The following HOXA3 variants were observed in gnomAD, a reference collection of about 807,000 sequenced individuals.
HOXA3 encodes homeobox protein Hox-A3.
In HOXA3, 8 loss-of-function variants were observed where a neutral mutation model predicts 30.3. The observed-to-expected ratio is 0.26, with a 90% CI of 0.15 to 0.48. The LOEUF (loss-of-function observed/expected upper bound fraction) is 0.48. Ranked by LOEUF, HOXA3 falls within the 20% of genes least tolerant of loss-of-function variation. The pLI is 0.99. For missense variants in HOXA3, 653 were observed against 614.4 expected (o/e 1.06, Z -0.66); for synonymous variants, 323 against 273.1 (o/e 1.18, Z -1.80).
rs199581088 is a variant in HOXA3, at chr7:27,129,478, T to C, written c.-389-2408A>G. ...GCGGCGCCGCCGGGTCAGGTATCGA[T>C]TGAAGTGGAACTCCTTCTCCAGCTC... On this transcript the variant is annotated intron_variant, in intron 2 of 5. Coordinates refer to ENST00000612286, the MANE Select transcript of HOXA3 (RefSeq NM_153631.3). 282 of 1,613,882 alleles carry C rather than the reference T, an allele frequency of 1.7e-4. No homozygotes were observed. The highest frequency in any genetic ancestry group is 2.3e-4 in the Non-Finnish European group (266 of 1,179,980).
chr7:27,145,893 C>T, intron 1 of HOXA3: 1 of 1,613,332 alleles, frequency 6.2e-7, no homozygotes, highest in Non-Finnish European at 8.5e-7. Flanking sequence ...GCGGCCTCGG[C>T]GCCCATGGCT....
chr7:27,130,505 G>A (rs1231466552), intron 2 of HOXA3: 1 of 1,296,466 alleles, frequency 7.7e-7, no homozygotes, highest in Non-Finnish European at 9.8e-7. Context: ...CGGGCGGTCC[G>A]CGGCGCGTAG....
intron 1 of HOXA3, chr7:27,140,515 A>G (rs1257532907): frequency 6.6e-6 from 1 of 152,226 alleles, no homozygotes; most frequent in Non-Finnish European, 1.5e-5. Flanking sequence ...TGCTCTGAGG[A>G]GTTTCCCAAT....
chr7:27,151,783 C>A (rs1369543150), intron 1 of HOXA3: 4 of 427,464 alleles, frequency 9.4e-6, no homozygotes, highest in Middle Eastern at 3.3e-4. Context: ...TGGATTAATG[C>A]ACTTTGCCCT....
Position 27,110,593 on chromosome 7 carries a change from G to T in HOXA3, c.48C>A (p.Tyr16Ter). ...YYDSSAIYGG[Y>*]PYQAANGFAY... ...CGAACCCGTTGGCTGCCTGGTAGGG[G>T]TAGCCACCGTAGATCGCCGAGCTGT... Residue 16 changes from tyrosine (Y) to a stop codon, truncating the protein, a stop_gained, in exon 5 of 6, where the codon TAC becomes TAA. Transcript: ENST00000612286. LOFTEE classifies it high-confidence loss of function. 6.2e-7 allele frequency: 1 copy of T among 1,607,362 alleles called. No homozygotes were observed. Among genetic ancestry groups the T allele is most frequent in the Non-Finnish European group, 8.5e-7 (1 of 1,175,262 alleles).
chr7:27,124,311 G>C (rs1165246700), intron 3 of HOXA3: 2 of 152,248 alleles, frequency 1.3e-5, no homozygotes, highest in Non-Finnish European at 2.9e-5. Context: ...CCGCGCGCCC[G>C]TCCTGTGGTA....
intron 1 of HOXA3, chr7:27,145,463 T>A: frequency 1.5e-6 from 1 of 671,322 alleles, no homozygotes; most frequent in South Asian, 1.9e-5. Context: ...TTTTGTTTTG[T>A]TTTGTTTTGT....
intron 1 of HOXA3, chr7:27,150,801 G>T (rs1446321745): frequency 6.6e-6 from 1 of 152,474 alleles, no homozygotes; most frequent in Admixed American, 6.5e-5. Flanking sequence ...TCCGGTCAGG[G>T]GTAGCCGAGG....
At chr7:27,130,879 C>G in intron 2 of HOXA3, 1 of 803,552 alleles carries the variant, frequency 1.2e-6, no homozygotes, top group Admixed American at 2.1e-5. Flanking sequence ...CCCACTCCTC[C>G]CCCTCCCGCA....
In HOXA3 at chr7:27,107,371, A is replaced by G. The variant is rs1784065487; in HGVS notation, c.*544T>C. The G allele has an allele frequency of 1.3e-5, 2 of 152,166 alleles. No homozygotes were observed. Among genetic ancestry groups the G allele is most frequent in the African/African-American group, 4.8e-5 (2 of 41,438 alleles). The allele number at this position is 152,166 out of a possible 1,614,324, so 9.4% of individuals were successfully genotyped here. On this transcript the variant is annotated 3_prime_UTR_variant, in exon 6 of 6. Coordinates refer to ENST00000612286, the MANE Select transcript of HOXA3 (RefSeq NM_153631.3). Reference sequence around the variant, plus strand: ...AAAACTTAGATTATTCAATGCTTGCAAAAAAATATAAATAAATCTGACTGT... The same window carrying G: ...AAAACTTAGATTATTCAATGCTTGCGAAAAAATATAAATAAATCTGACTGT...
intron 4 of HOXA3, among the ~76,000 whole-genome samples, chr7:27,118,534 A>G (rs1784851551): frequency 6.6e-6 from 1 of 152,212 alleles, no homozygotes; most frequent in East Asian, 1.9e-4. Flanking sequence ...TTTGAGTTTA[A>G]GAGTTCTGTC....
intron 2 of HOXA3, chr7:27,130,235 G>A (rs1785469954): frequency 3.0e-6 from 4 of 1,329,502 alleles, no homozygotes; most frequent in Non-Finnish European, 2.9e-6. Context: ...CCCCCTGCCG[G>A]GACGCCTGGG....
intron 2 of HOXA3, chr7:27,130,690 G>T: frequency 6.2e-7 from 1 of 1,608,722 alleles, no homozygotes; most frequent in Admixed American, 1.7e-5. Context: ...AGGGAACTTG[G>T]GCTCGATGTA....
chr7:27,133,261 A>G (rs1219598141), intron 2 of HOXA3, among the ~76,000 whole-genome samples: 1 of 152,248 alleles, frequency 6.6e-6, no homozygotes, highest in East Asian at 1.9e-4. Context: ...TTTGCAAACC[A>G]TAGCATCATT....
At chr7:27,130,293 G>A (rs1276292293) in intron 2 of HOXA3, 1 of 1,095,302 alleles carries the variant, frequency 9.1e-7, no homozygotes, top group Non-Finnish European at 1.1e-6. Context: ...GGGGCACGGC[G>A]CGAGGCTGCA....
At chr7:27,129,475 CG>C in intron 2 of HOXA3, 1 of 1,614,094 alleles carries the variant, frequency 6.2e-7, no homozygotes, top group East Asian at 2.2e-5. Flanking sequence ...GGTCAGGTAT[CG>C]ATTGAAGTGG....
chr7:27,114,825 AT>A (rs1315289393), intron 4 of HOXA3, among the ~76,000 whole-genome samples: 1 of 101,292 alleles, frequency 9.9e-6, no homozygotes, highest in African/African-American at 3.8e-5. Flanking sequence ...ACATATATAT[AT>A]AATATATATT....
In HOXA3 at chr7:27,110,207, A is replaced by AG. The variant is rs753346052; in HGVS notation, c.433dup (p.Leu145ProfsTer88). Reference sequence around the variant, plus strand: ...TTTGGCCACTGTGGGTGAGTTGAGCAGGGGGCTCTTGGCCGCGTTGGCAGG... The same window carrying AG: ...TTTGGCCACTGTGGGTGAGTTGAGCAGGGGGGCTCTTGGCCGCGTTGGCAGG... On this transcript the variant is annotated frameshift_variant, in exon 5 of 6. Coordinates refer to ENST00000612286, the MANE Select transcript of HOXA3 (RefSeq NM_153631.3). LOFTEE classifies it high-confidence loss of function. 6.2e-7 allele frequency: 1 copy of AG among 1,607,024 alleles called. No individual in the cohort carries two copies. The highest frequency in any genetic ancestry group is 8.5e-7 in the Non-Finnish European group (1 of 1,177,380).
chr7:27,143,414 C>A (rs200819149), intron 1 of HOXA3: 4 of 1,611,668 alleles, frequency 2.5e-6, no homozygotes, highest in Non-Finnish European at 3.4e-6. Flanking sequence ...CTCTCCGGAG[C>A]CAAAGTGGCC....
Sources: allele counts gnomAD v4.1 joint callset (sites outside exome capture counted in the v4.1 genomes callset), GRCh38; gene constraint gnomAD v4.1.1; transcripts MANE v1.5; gene names NCBI Gene and HGNC (gene_info 2026-07-23, HGNC 2026-07-21).